Variants in ANXA4 observed in about 807,000 individuals in gnomAD.
ANXA4 encodes 35-beta calcimedin.
ANXA4 carries 39 observed loss-of-function variants against 49.8 expected under a neutral mutation model. The ratio of observed to expected loss-of-function variants is 0.78; its 90% CI spans 0.61 to 1.02. The LOEUF (loss-of-function observed/expected upper bound fraction) is 1.02. ANXA4 is among the 50% of genes least tolerant of loss of function. ANXA4 has a pLI of 0.00. For synonymous variants in ANXA4, 134 were observed against 152.5 expected (o/e 0.88, Z 0.89); for missense variants, 360 against 410.1 (o/e 0.88, Z 1.05).
At chr2:69,694,508 C>A in intron 2 of ANXA4, among the ~76,000 whole-genome samples, 1 of 96,020 alleles carries the variant, frequency 1.0e-5, no homozygotes. Flanking sequence ...TAATGCTATC[C>A]CTCCCCCCTC....
intron 2 of ANXA4, among the ~76,000 whole-genome samples, chr2:69,656,296 T>TATATATAC (rs1676460657): frequency 2.1e-5 from 2 of 93,506 alleles, no homozygotes; most frequent in African/African-American, 9.7e-5. Context: ...TACATATATG[T>TATATATAC]ATATATATGT....
intron 3 of ANXA4, among the ~76,000 whole-genome samples, chr2:69,726,819 T>C (rs1456186014): frequency 6.6e-6 from 1 of 152,250 alleles, no homozygotes; most frequent in Admixed American, 6.5e-5. Flanking sequence ...TGTAGTTTGA[T>C]ATTTCTCTTG....
At chr2:69,807,558 G>C (rs1673497577) in intron 5 of ANXA4, among the ~76,000 whole-genome samples, 1 of 152,074 alleles carries the variant, frequency 6.6e-6, no homozygotes, top group Non-Finnish European at 1.5e-5. Flanking sequence ...CCAGGCTCTG[G>C]GAAAGCAAAG....
rs1674213170 is a variant in ANXA4, at chr2:69,820,774, G to A, written c.859G>A (p.Ala287Thr). The change falls in exon 12 of 13, where the codon GCA (alanine) becomes ACA (threonine). Residue 287 changes from alanine to threonine, a missense_variant. Coordinates refer to ENST00000394295, the MANE Select transcript of ANXA4 (RefSeq NM_001153.5). ...RAEIDMLDIR[A>T]HFKRLYGKSL... is the part of the protein sequence containing the mutation. Reference sequence around the variant, plus strand: ...AGAAATTGACATGTTGGATATCCGGGCACACTTCAAGAGACTCTATGGAAA... The same window carrying A: ...AGAAATTGACATGTTGGATATCCGGACACACTTCAAGAGACTCTATGGAAA... 6.2e-7 allele frequency: 1 copy of A among 1,614,022 alleles called. No homozygotes were observed.
At chr2:69,759,087 G>C (rs1671171382) in intron 1 of ANXA4, among the ~76,000 whole-genome samples, 2 of 140,354 alleles carry the variant, frequency 1.4e-5, no homozygotes, top group South Asian at 4.5e-4. Context: ...AGTGAGCCAA[G>C]ATAGCACCAC....
intron 3 of ANXA4, among the ~76,000 whole-genome samples, chr2:69,791,903 T>A (rs1236135574): frequency 1.3e-5 from 2 of 152,226 alleles, no homozygotes; most frequent in African/African-American, 4.8e-5. Context: ...AAACCCAGCA[T>A]AACAACCTTA....
intron 2 of ANXA4, among the ~76,000 whole-genome samples, chr2:69,669,865 C>G (rs1313164620): frequency 6.6e-6 from 1 of 152,124 alleles, no homozygotes; most frequent in Admixed American, 6.5e-5. Context: ...CACCGCTACT[C>G]AAGATTGTAA....
chr2:69,772,948 C>T (rs1282443318), intron 1 of ANXA4, among the ~76,000 whole-genome samples: 5 of 151,578 alleles, frequency 3.3e-5, no homozygotes, highest in African/African-American at 9.7e-5. Flanking sequence ...ACCCGGGAGG[C>T]GGAGGTTGCA....
At chr2:69,649,287 G>A (rs1226795159) in intron 1 of ANXA4, among the ~76,000 whole-genome samples, 2 of 152,038 alleles carry the variant, frequency 1.3e-5, no homozygotes, top group African/African-American at 4.8e-5. Flanking sequence ...GAAGAAAGTA[G>A]ATAGAAGAAA....
chr2:69,701,621 G>A lies in ANXA4; in HGVS notation n.767-19153G>A, dbSNP rs73935627. On this transcript the variant is annotated intron_variant and non_coding_transcript_variant, in intron 2 of 3. Transcript: ENST00000418066. The stretch of plus-strand genomic sequence containing the variant: ...ATTTGCAGACAGATATGCTGAAATT[G>A]TCCTTCTAAAAGGTGATACCTTCAT... 7.6e-3 allele frequency among the ~76,000 whole-genome samples: 1,160 copies of A among 152,252 alleles called. 17 individuals are homozygous for A. The highest frequency in any genetic ancestry group is 0.074 in the East Asian group (384 of 5,186).
intron 2 of ANXA4, among the ~76,000 whole-genome samples, chr2:69,691,909 T>C (rs1462845453): frequency 6.6e-6 from 1 of 152,126 alleles, no homozygotes; most frequent in Non-Finnish European, 1.5e-5. Context: ...GTTTTGAGAC[T>C]GAGTCTCACT....
chr2:69,735,241 GTAACAATGC>G (rs953924824), intron 3 of ANXA4, among the ~76,000 whole-genome samples: 7 of 152,276 alleles, frequency 4.6e-5, no homozygotes, highest in African/African-American at 1.2e-4. Context: ...ATATACACAA[GTAACAATGC>G]TATCTTAAAG....
At chr2:69,708,069 A>G (rs1678554763) in intron 2 of ANXA4, among the ~76,000 whole-genome samples, 1 of 152,220 alleles carries the variant, frequency 6.6e-6, no homozygotes, top group Non-Finnish European at 1.5e-5. Context: ...ATAATCGCAA[A>G]TATTCCACTG....
intron 4 of ANXA4, among the ~76,000 whole-genome samples, chr2:69,805,995 G>C (rs1219241464): frequency 6.6e-6 from 1 of 152,148 alleles, no homozygotes; most frequent in African/African-American, 2.4e-5. Flanking sequence ...TTTACATTTT[G>C]CAGATCTCTT....
At chr2:69,684,036 A>G (rs1453436294) in intron 2 of ANXA4, among the ~76,000 whole-genome samples, 2 of 152,272 alleles carry the variant, frequency 1.3e-5, no homozygotes, top group African/African-American at 4.8e-5. Flanking sequence ...AAAATTAAAG[A>G]GAAAAGCTGC....
At chr2:69,752,408 G>T (rs1023380098) in intron 1 of ANXA4, among the ~76,000 whole-genome samples, 1 of 152,198 alleles carries the variant, frequency 6.6e-6, no homozygotes, top group African/African-American at 2.4e-5. Context: ...AAATGAAAGT[G>T]CTGGGTACCA....
intron 2 of ANXA4, among the ~76,000 whole-genome samples, chr2:69,673,266 C>A (rs1156924504): frequency 6.6e-6 from 1 of 152,078 alleles, no homozygotes; most frequent in Non-Finnish European, 1.5e-5. Context: ...AAATGCCCAT[C>A]AATGATGGAC....
At chr2:69,772,617 G>A (rs548238929) in intron 1 of ANXA4, among the ~76,000 whole-genome samples, 46 of 152,272 alleles carry the variant, frequency 3.0e-4, no homozygotes, top group African/African-American at 1.1e-3. Flanking sequence ...CAGGTGCCAG[G>A]CTCTATGCTA....
intron 1 of ANXA4, among the ~76,000 whole-genome samples, chr2:69,748,843 TG>T (rs1489615152): frequency 1.3e-5 from 2 of 152,000 alleles, no homozygotes; most frequent in African/African-American, 2.4e-5. Flanking sequence ...CCTGGGTAGC[TG>T]GGACTATAGG....
Sources: gnomAD v4.1 joint callset for allele counts (sites outside exome capture counted in the v4.1 genomes callset) on GRCh38, gnomAD v4.1.1 for gene constraint, MANE v1.5 for transcripts, NCBI Gene and HGNC (gene_info 2026-07-23, HGNC 2026-07-21) for gene names.